EPHA6: variants seen among roughly 807,000 people sequenced by gnomAD.
The protein encoded by EPHA6 is ephrin type-A receptor 6.
Under a neutral mutation model 112.0 loss-of-function variants are expected in EPHA6, and 50 were observed. The observed-to-expected ratio is 0.45, with a 90% CI of 0.36 to 0.56. EPHA6 has a LOEUF of 0.56. Among genes scored for constraint, EPHA6 ranks in the 20% least tolerant of loss-of-function variants. The pLI is 0.00. For missense variants in EPHA6, 1,280 were observed against 1,417.4 expected, an observed-to-expected ratio of 0.90 and a Z score of 1.56; for synonymous variants, 529 against 490.7, an observed-to-expected ratio of 1.08 and a Z score of -1.03.
At chr3:97,095,886 G>A (rs1226027176) in intron 3 of EPHA6, among the ~76,000 whole-genome samples, 2 of 151,952 alleles carry the variant, frequency 1.3e-5, no homozygotes, top group African/African-American at 2.4e-5. Context: ...AAATGATGCT[G>A]ATGCTGCAGC....
chr3:97,554,762 G>A (rs145073812), intron 11 of EPHA6, among the ~76,000 whole-genome samples: 1 of 151,874 alleles, frequency 6.6e-6, no homozygotes, highest in Non-Finnish European at 1.5e-5. Flanking sequence ...ACACAAGGGA[G>A]GCTGGGAAAT....
chr3:97,123,200 T>G (rs543524557), intron 3 of EPHA6, among the ~76,000 whole-genome samples: 1 of 152,226 alleles, frequency 6.6e-6, no homozygotes, highest in African/African-American at 2.4e-5. Flanking sequence ...GGTACTATTA[T>G]TCGTGTTAAA....
chr3:97,187,681 GAAAGAAGGAAA>G (rs1559784420), intron 3 of EPHA6, among the ~76,000 whole-genome samples: 2 of 105,298 alleles, frequency 1.9e-5, no homozygotes, highest in African/African-American at 3.8e-5. Flanking sequence ...GAAAGAGAAA[GAAAGAAGGAAA>G]GAAAGAAAGA....
intron 5 of EPHA6, among the ~76,000 whole-genome samples, chr3:97,277,299 G>A (rs982991572): frequency 2.6e-5 from 4 of 152,090 alleles, no homozygotes; most frequent in African/African-American, 4.8e-5. Context: ...TACAGTCAAA[G>A]GGGAGGTGTT....
intron 5 of EPHA6, among the ~76,000 whole-genome samples, chr3:97,281,863 AT>A (rs2080297852): frequency 6.6e-6 from 1 of 152,106 alleles, no homozygotes; most frequent in Non-Finnish European, 1.5e-5. Context: ...ATTTGGTTGA[AT>A]TTTTTTACAG....
intron 2 of EPHA6, among the ~76,000 whole-genome samples, chr3:96,893,647 G>A (rs1231819179): frequency 6.6e-6 from 1 of 152,162 alleles, no homozygotes; most frequent in East Asian, 1.9e-4. Context: ...ATTGAAAGCA[G>A]CAAAACTAAC....
chr3:97,737,337 A>T (rs2035303942), intron 16 of EPHA6, among the ~76,000 whole-genome samples: 2 of 152,098 alleles, frequency 1.3e-5, no homozygotes, highest in South Asian at 4.1e-4. Context: ...GGAAACAGAG[A>T]CAGTTTTATG....
chr3:97,114,597 T>A (rs1341658050), intron 3 of EPHA6, among the ~76,000 whole-genome samples: 1 of 152,074 alleles, frequency 6.6e-6, no homozygotes, highest in Non-Finnish European at 1.5e-5. Flanking sequence ...TAAAAGAGGA[T>A]AATCAGTCTC....
chr3:96,988,203 A>G (rs528548198), intron 3 of EPHA6, among the ~76,000 whole-genome samples: 7 of 152,286 alleles, frequency 4.6e-5, no homozygotes, highest in African/African-American at 1.7e-4. Flanking sequence ...TTAAAAGTAA[A>G]TATTATACAT....
intron 10 of EPHA6, among the ~76,000 whole-genome samples, chr3:97,514,600 G>A (rs1415708449): frequency 6.6e-6 from 1 of 152,120 alleles, no homozygotes; most frequent in Non-Finnish European, 1.5e-5. Context: ...TCTCTGGACT[G>A]AATTGTGTCC....
intron 2 of EPHA6, among the ~76,000 whole-genome samples, chr3:96,891,998 A>G (rs182882620): frequency 6.6e-6 from 1 of 152,330 alleles, no homozygotes; most frequent in African/African-American, 2.4e-5. Context: ...TTGGAGGCCC[A>G]CAGACAGCTT....
At chr3:97,707,640 C>T (rs2033749030) in intron 14 of EPHA6, among the ~76,000 whole-genome samples, 1 of 152,134 alleles carries the variant, frequency 6.6e-6, no homozygotes, top group South Asian at 2.1e-4. Flanking sequence ...TCAATTTACC[C>T]CAGCTTTAAA....
intron 5 of EPHA6, among the ~76,000 whole-genome samples, chr3:97,275,053 G>A (rs540673342): frequency 5.9e-5 from 9 of 152,148 alleles, no homozygotes; most frequent in Admixed American, 3.3e-4. Context: ...TTAAAGCACC[G>A]GCAGCCGCTG....
At chr3:97,176,489 A>G (rs2076838223) in intron 3 of EPHA6, among the ~76,000 whole-genome samples, 1 of 151,628 alleles carries the variant, frequency 6.6e-6, no homozygotes, top group African/African-American at 2.4e-5. Flanking sequence ...TTTCCTTAAG[A>G]CTGGTAGGGT....
At chr3:97,426,813 A>G (rs547479918) in intron 6 of EPHA6, among the ~76,000 whole-genome samples, 3 of 152,348 alleles carry the variant, frequency 2.0e-5, no homozygotes, top group African/African-American at 7.2e-5. Context: ...AAGGTCTAAT[A>G]TCTAGAATCT....
At chr3:97,388,222 A>C (rs2086185653) in intron 5 of EPHA6, among the ~76,000 whole-genome samples, 1 of 152,206 alleles carries the variant, frequency 6.6e-6, no homozygotes, top group Non-Finnish European at 1.5e-5. Flanking sequence ...TTTCTCATTA[A>C]AACTTCAGAG....
chr3:97,532,323 T>G lies in EPHA6; in HGVS notation c.2201-35T>G, dbSNP rs541086069. 2.6e-5 allele frequency: 41 copies of G among 1,568,270 alleles called. No homozygotes were observed. In the South Asian group the frequency reaches 4.8e-4, roughly 18 times the overall value. ...ACTCTTCTGAAATGTAAGTGTTCGG[T>G]TTAATCAAATAACTGCTTTTGTTCA... is the stretch of plus-strand genomic sequence containing the variant. On this transcript the variant is annotated intron_variant, in intron 10 of 17. Transcript: ENST00000389672.
intron 8 of EPHA6, among the ~76,000 whole-genome samples, chr3:97,478,581 T>A (rs59727751): frequency 0.19 from 28,749 of 151,872 alleles, 4,078 homozygotes; most frequent in African/African-American, 0.38. Context: ...TTCAATTACA[T>A]AAAATAGAAA....
intron 5 of EPHA6, among the ~76,000 whole-genome samples, chr3:97,359,901 G>T (rs76935878): frequency 0.039 from 5,908 of 151,990 alleles, 334 homozygotes; most frequent in African/African-American, 0.13. Context: ...AATTTTTTCT[G>T]TGTCTTTCTC....
Sources: gnomAD v4.1 joint callset for allele counts (sites outside exome capture counted in the v4.1 genomes callset) on GRCh38, gnomAD v4.1.1 for gene constraint, MANE v1.5 for transcripts, NCBI Gene and HGNC (gene_info 2026-07-23, HGNC 2026-07-21) for gene names.